Variants in MBP observed in about 807,000 individuals in gnomAD.
The protein encoded by MBP is myelin basic protein, also known as Golli-MBP.
A neutral mutation model predicts 35.8 loss-of-function variants in MBP; 16 were observed. That is an observed-to-expected ratio of 0.45 (90% CI 0.30 to 0.68). The LOEUF (loss-of-function observed/expected upper bound fraction) is 0.68, where lower values mean the gene tolerates loss of function less well. Among genes scored for constraint, MBP ranks in the 30% least tolerant of loss-of-function variants. The pLI, the probability that MBP is intolerant of heterozygous loss-of-function variation, is 0.08. For missense variants in MBP, 380 were observed against 404.7 expected (o/e 0.94, Z 0.52); for synonymous variants, 143 against 159.6 (o/e 0.90, Z 0.78).
intron 1 of MBP, among the ~76,000 whole-genome samples, chr18:77,115,981 G>GA (rs1169021102): frequency 1.3e-5 from 2 of 149,816 alleles, no homozygotes; most frequent in African/African-American, 4.9e-5. Flanking sequence ...ATCTTCACAT[G>GA]AGTGTGCAGC....
intron 3 of MBP, among the ~76,000 whole-genome samples, chr18:77,047,130 G>T (rs963038369): frequency 5.3e-5 from 8 of 152,366 alleles, no homozygotes; most frequent in African/African-American, 1.7e-4. Context: ...GGCGACCACG[G>T]CTGGGTGCCT....
intron 2 of MBP, among the ~76,000 whole-genome samples, chr18:77,081,771 C>G (rs895276893): frequency 8.5e-6 from 1 of 117,528 alleles, no homozygotes; most frequent in Non-Finnish European, 1.8e-5. Context: ...TATATATACA[C>G]ACACACACAC....
chr18:76,993,500 A>G (rs1355263843), intron 4 of MBP, among the ~76,000 whole-genome samples: 2 of 148,500 alleles, frequency 1.3e-5, no homozygotes, highest in Non-Finnish European at 3.0e-5. Context: ...CAGTGAGCTG[A>G]GATTGCACCA....
intron 4 of MBP, among the ~76,000 whole-genome samples, chr18:76,999,540 C>T (rs183433695): frequency 1.3e-5 from 2 of 151,838 alleles, no homozygotes; most frequent in East Asian, 1.9e-4. Context: ...ACTGCAACCT[C>T]GCTCCTGGGT....
Position 76,989,937 on chromosome 18 carries a change from C to T in MBP, c.681+19G>A, listed in dbSNP as rs780666367. On this transcript the variant is annotated intron_variant, in intron 5 of 8. Coordinates refer to ENST00000355994, the MANE Select transcript of MBP (RefSeq NM_001025101.2). The surrounding 1 kb of genome is among the most constrained non-coding windows in gnomAD (Gnocchi z 4.0). ...CTCCCCCTCACAGTTGCTACCTCTTCCCATCGATCGTCACTTACAATGTTC... is the reference window on the plus strand; with the variant it reads ...CTCCCCCTCACAGTTGCTACCTCTTTCCATCGATCGTCACTTACAATGTTC... The T allele has an allele frequency of 8.1e-6, 13 of 1,598,636 alleles. No individual in the cohort carries two copies. Among genetic ancestry groups the T allele is most frequent in the East Asian group, 2.2e-5 (1 of 44,794 alleles).
Position 76,988,532 on chromosome 18 carries a change from A to C in MBP, c.718-5T>G. On this transcript the variant is annotated splice_polypyrimidine_tract_variant and splice_region_variant and intron_variant, in intron 6 of 8. Transcript: ENST00000355994. The surrounding 1 kb of genome is among the most constrained non-coding windows in gnomAD (Gnocchi z 5.2). ...GCTCAGGGACAGTCCTCTCCCCTGC[A>C]TGAGGAAGACAGAGAAATAATGACA... 1.2e-6 allele frequency: 2 copies of C among 1,611,122 alleles called. No homozygotes were observed. Among genetic ancestry groups the C allele is most frequent in the Non-Finnish European group, 1.7e-6 (2 of 1,177,774 alleles).
At chr18:77,038,951 G>C (rs1258440215) in intron 3 of MBP, among the ~76,000 whole-genome samples, 2 of 152,192 alleles carry the variant, frequency 1.3e-5, no homozygotes, top group Non-Finnish European at 2.9e-5. Flanking sequence ...ACTATGCCTC[G>C]GGGCCAAATC....
chr18:77,112,855 G>A (rs960134290), intron 1 of MBP: 6 of 152,278 alleles, frequency 3.9e-5, no homozygotes, highest in African/African-American at 1.4e-4. Context: ...GGAAGGTTTT[G>A]TAGATGTCCT....
At chr18:76,998,436 T>G (rs1970446372) in intron 4 of MBP, among the ~76,000 whole-genome samples, 1 of 152,224 alleles carries the variant, frequency 6.6e-6, no homozygotes, top group African/African-American at 2.4e-5. Flanking sequence ...TTCTGGGTTG[T>G]TTCCACCTTC....
chr18:77,025,765 G>A (rs1238992748), intron 3 of MBP, among the ~76,000 whole-genome samples: 4 of 126,762 alleles, frequency 3.2e-5, no homozygotes, highest in Non-Finnish European at 4.7e-5. Flanking sequence ...CCCTGCATCC[G>A]TGGAAATCAC....
chr18:77,016,938 T>C lies in MBP; in HGVS notation c.470A>G (p.His157Arg), dbSNP rs755800293. ...KYLATASTMD[H>R]ARHGFLPRHR... ...CCTTGGGAGGAAGCCATGCCTGGCA[T>C]GGTCCATGGTACTTGCTGTGGCCAG... The change falls in exon 4 of 9, where the codon CAT (histidine) becomes CGT (arginine). Residue 157 changes from histidine (H) to arginine (R), a missense_variant. His to Arg is a conservative substitution (Grantham distance 29). Transcript: ENST00000355994. 6.2e-7 allele frequency: 1 copy of C among 1,614,180 alleles called. No individual in the cohort carries two copies. Among genetic ancestry groups the C allele is most frequent in the Non-Finnish European group, 8.5e-7 (1 of 1,180,046 alleles).
chr18:76,995,466 G>C (rs982639201), intron 4 of MBP, among the ~76,000 whole-genome samples: 2 of 152,166 alleles, frequency 1.3e-5, no homozygotes, highest in African/African-American at 2.4e-5. Context: ...CTGAAGACCT[G>C]TGGTGCTAGA....
intron 2 of MBP, among the ~76,000 whole-genome samples, chr18:77,084,824 C>T (rs1190802049): frequency 6.6e-6 from 1 of 152,166 alleles, no homozygotes; most frequent in Admixed American, 6.5e-5. Flanking sequence ...GACTGTTTAT[C>T]AAGGTCTGTT....
At chr18:76,997,732 G>T (rs1392717593) in intron 4 of MBP, among the ~76,000 whole-genome samples, 1 of 151,196 alleles carries the variant, frequency 6.6e-6, no homozygotes, top group African/African-American at 2.4e-5. Context: ...CCCCAGGCTG[G>T]AGTGCAGTGG....
intron 4 of MBP, among the ~76,000 whole-genome samples, chr18:76,996,299 A>G (rs1260449522): frequency 6.6e-6 from 1 of 152,246 alleles, no homozygotes; most frequent in Non-Finnish European, 1.5e-5. Flanking sequence ...TAAATACTAA[A>G]GGATAAATTA....
chr18:77,002,701 G>A (rs545091704), intron 4 of MBP: 1 of 152,326 alleles, frequency 6.6e-6, no homozygotes, highest in South Asian at 2.1e-4. Flanking sequence ...GCTGTCTAGG[G>A]CTTGAACTTT....
chr18:77,089,400 G>A (rs942453744), intron 2 of MBP, among the ~76,000 whole-genome samples: 1 of 152,134 alleles, frequency 6.6e-6, no homozygotes, highest in African/African-American at 2.4e-5. Context: ...AAGGAGAGAA[G>A]ACAGAGAGCT....
chr18:77,010,142 G>A, intron 4 of MBP: 1 of 585,234 alleles, frequency 1.7e-6, no homozygotes, highest in South Asian at 2.0e-5. Flanking sequence ...TGGGAGGTCA[G>A]AGGGCAGGCA....
chr18:77,003,625 GAT>G (rs1414354668), intron 4 of MBP: 1 of 152,156 alleles, frequency 6.6e-6, no homozygotes, highest in Non-Finnish European at 1.5e-5. Flanking sequence ...AGGTATATTT[GAT>G]ATAATTTTTT....
Sources: allele counts gnomAD v4.1 joint callset (sites outside exome capture counted in the v4.1 genomes callset), GRCh38; gene constraint gnomAD v4.1.1; non-coding constraint Gnocchi (gnomAD v3.1); transcripts MANE v1.5; gene names NCBI Gene and HGNC (gene_info 2026-07-23, HGNC 2026-07-21).